Variants in UGT1A7 observed in about 807,000 individuals in gnomAD.
UGT1A7 encodes UDP glucuronosyltransferase family 1 member A7.
UGT1A7 carries 33 observed loss-of-function variants against 45.6 expected under a neutral mutation model. That is an observed-to-expected ratio of 0.72 (90% CI 0.55 to 0.97). UGT1A7 has a LOEUF of 0.97. Among genes scored for constraint, UGT1A7 ranks in the 50% least tolerant of loss-of-function variants. The pLI is 0.00. For missense variants in UGT1A7, 684 were observed against 666.2 expected (o/e 1.03, Z -0.29); for synonymous variants, 274 against 250.6 (o/e 1.09, Z -0.88).
chr2:233,713,751 G>C, intron 1 of UGT1A7: 1 of 1,613,962 alleles, frequency 6.2e-7, no homozygotes, highest in South Asian at 1.1e-5. Flanking sequence ...CCATGCATCT[G>C]TGTGGCTGTT....
chr2:233,719,110 C>G, intron 1 of UGT1A7: 1 of 1,614,270 alleles, frequency 6.2e-7, no homozygotes, highest in Non-Finnish European at 8.5e-7. Flanking sequence ...CTGGGCTACA[C>G]TCAAGGGTTC....
intron 1 of UGT1A7, chr2:233,739,012 T>A (rs1690960444): frequency 6.6e-6 from 1 of 152,230 alleles, no homozygotes; most frequent in Admixed American, 6.5e-5. Context: ...TCCCAGTGGC[T>A]CCAGCCATGG....
rs767732319 is a variant in UGT1A7, at chr2:233,772,468, T to A, written c.1502T>A (p.Phe501Tyr). ...FLLAVVLTVA[F>Y]ITFKCCAYGY... Reference sequence around the variant, plus strand: ...TTGGCCGTCGTGCTGACAGTGGCCTTCATCACCTTTAAATGTTGTGCTTAT... The same window carrying A: ...TTGGCCGTCGTGCTGACAGTGGCCTACATCACCTTTAAATGTTGTGCTTAT... The change falls in exon 5 of 5, where the codon TTC (phenylalanine) becomes TAC (tyrosine). Residue 501 changes from phenylalanine (F) to tyrosine (Y), a missense_variant. Physicochemically the swap from Phe to Tyr is conservative, Grantham distance 22. Transcript: ENST00000373426. The A allele has an allele frequency of 3.7e-6, 6 of 1,614,162 alleles. No homozygotes were observed. In the South Asian group the frequency reaches 6.6e-5, roughly 18 times the overall value.
At chr2:233,689,462 A>T (rs2074944838) in intron 1 of UGT1A7, among the ~76,000 whole-genome samples, 1 of 152,236 alleles carries the variant, frequency 6.6e-6, no homozygotes, top group Admixed American at 6.5e-5. Flanking sequence ...CATTTTAGGA[A>T]AACAGAAGTT....
At position 233,750,642 on chromosome 2, in the gene UGT1A7, C is replaced by G. The variant is rs1227116452; in HGVS notation, c.856-16392C>G. 2.7e-5 allele frequency: 4 copies of G among 149,396 alleles called. 1 individual carries two copies. The highest frequency in any genetic ancestry group is 1.0e-4 in the African/African-American group (4 of 38,716). 9.3% of individuals were successfully genotyped at this position (149,396 alleles called of 1,614,324 possible). On this transcript the variant is annotated intron_variant, in intron 1 of 4. Transcript: ENST00000373426. ...GGGTCCATGCTCCCCCTGCTGTGTGCAGCCTCAGGACTTGGTGCCCTGTGT... is the reference window on the plus strand; with the variant it reads ...GGGTCCATGCTCCCCCTGCTGTGTGGAGCCTCAGGACTTGGTGCCCTGTGT...
Position 233,728,224 on chromosome 2 carries a change from T to A in UGT1A7, c.856-38810T>A, listed in dbSNP as rs556375037. Among the ~76,000 whole-genome samples, 261 of 152,314 alleles carry A rather than the reference T, an allele frequency of 1.7e-3. 4 individuals are homozygous for A. The highest frequency in any genetic ancestry group is 5.7e-4 in the Non-Finnish European group (39 of 68,034). On this transcript the variant is annotated intron_variant, in intron 1 of 4. Coordinates refer to ENST00000373426, the MANE Select transcript of UGT1A7 (RefSeq NM_019077.3). ...GACTTGGAGAAGAGCCTGACCATAA[T>A]CTTCAGGATGAAATAAAGGCCTGGA...
intron 1 of UGT1A7, chr2:233,713,124 C>A (rs746932812): frequency 6.2e-7 from 1 of 1,614,184 alleles, no homozygotes; most frequent in South Asian, 1.1e-5. Flanking sequence ...GCTCAGCATG[C>A]GGGAGGCCTT....
At chr2:233,748,787 G>A (rs988744506) in intron 1 of UGT1A7, among the ~76,000 whole-genome samples, 5 of 151,380 alleles carry the variant, frequency 3.3e-5, no homozygotes, top group Admixed American at 2.6e-4. Flanking sequence ...CTTCTACTTG[G>A]AATGCTGAAA....
In UGT1A7 at chr2:233,769,368, G is replaced by T. The variant is rs1276563226; in HGVS notation, c.1295+929G>T. ...TGGGAAGAAGTGGTGGCCAGTGGTA[G>T]ATTTCATCCGACAATAGATACTGTG... On this transcript the variant is annotated intron_variant, in intron 4 of 4. Coordinates refer to ENST00000373426, the MANE Select transcript of UGT1A7 (RefSeq NM_019077.3). This position sits in a 1 kb window ranked among gnomAD's most constrained non-coding sequence, Gnocchi z 4.4. Among the ~76,000 whole-genome samples the T allele has an allele frequency of 6.6e-6, 1 of 152,222 alleles. No homozygotes were observed. The highest frequency in any genetic ancestry group is 1.5e-5 in the Non-Finnish European group (1 of 68,036).
Position 233,772,667 on chromosome 2 carries a change from T to C in UGT1A7, c.*108T>C. On this transcript the variant is annotated 3_prime_UTR_variant, in exon 5 of 5. Transcript: ENST00000373426. Reference sequence around the variant, plus strand: ...TTTTATTCTTATTAAGGAAATACTTTGCATAAATTAATCAGCCCCAGAGTG... The same window carrying C: ...TTTTATTCTTATTAAGGAAATACTTCGCATAAATTAATCAGCCCCAGAGTG... The C allele has an allele frequency of 2.0e-6, 3 of 1,538,078 alleles. No individual in the cohort carries two copies. Among genetic ancestry groups the C allele is most frequent in the Admixed American group, 4.0e-5 (2 of 50,106 alleles).
chr2:233,695,908 T>C (rs2075313628), intron 1 of UGT1A7, among the ~76,000 whole-genome samples: 1 of 152,182 alleles, frequency 6.6e-6, no homozygotes, highest in Admixed American at 6.5e-5. Flanking sequence ...TGGGGTTTTT[T>C]TTCTCCACAC....
chr2:233,707,649 C>A (rs1214611953), intron 1 of UGT1A7, among the ~76,000 whole-genome samples: 1 of 151,494 alleles, frequency 6.6e-6, no homozygotes, highest in African/African-American at 2.4e-5. Context: ...TATGAATACA[C>A]CACAATTTTA....
chr2:233,772,992 CT>C lies in UGT1A7; in HGVS notation c.*434del. The C allele has an allele frequency of 1.2e-5, 3 of 257,330 alleles. No individual in the cohort carries two copies. Among genetic ancestry groups the C allele is most frequent in the South Asian group, 5.0e-5 (1 of 19,850 alleles). The allele number at this position is 257,330 out of a possible 1,614,324, so 15.9% of individuals were successfully genotyped here. Reference sequence around the variant, plus strand: ...TTAACCAATAATGGTCAGTCCTCATCTCTGTCGTGCTTCATAGGTGCCACCT... The same window carrying C: ...TTAACCAATAATGGTCAGTCCTCATCCTGTCGTGCTTCATAGGTGCCACCT... On this transcript the variant is annotated 3_prime_UTR_variant, in exon 5 of 5. Transcript: ENST00000373426.
intron 1 of UGT1A7, among the ~76,000 whole-genome samples, chr2:233,752,736 C>A (rs1332947715): frequency 1.3e-5 from 2 of 152,164 alleles, no homozygotes; most frequent in African/African-American, 4.8e-5. Flanking sequence ...CAGAGAGAGA[C>A]CCTGTCTCTA....
intron 1 of UGT1A7, among the ~76,000 whole-genome samples, chr2:233,765,395 G>A (rs1009787089): frequency 6.6e-6 from 1 of 152,142 alleles, no homozygotes; most frequent in Non-Finnish European, 1.5e-5. Context: ...AGAAAATGTG[G>A]TACATATACA....
rs1178293466 is a variant in UGT1A7 at position 233,747,267 on chromosome 2, C to A, written c.856-19767C>A. On this transcript the variant is annotated intron_variant, in intron 1 of 4. Coordinates refer to ENST00000373426, the MANE Select transcript of UGT1A7 (RefSeq NM_019077.3). Reference sequence around the variant, plus strand: ...TGTGGCTGGCCACAGGAGTGCTACTCCTTCTCAGTGCCCAGCCCTGGGCTG... The same window carrying A: ...TGTGGCTGGCCACAGGAGTGCTACTACTTCTCAGTGCCCAGCCCTGGGCTG... 4 of 1,599,414 alleles carry A rather than the reference C, an allele frequency of 2.5e-6. No individual in the cohort carries two copies. In the South Asian group the frequency reaches 3.4e-5, roughly 13 times the overall value.
intron 1 of UGT1A7, among the ~76,000 whole-genome samples, chr2:233,736,155 C>T (rs1455121257): frequency 4.6e-5 from 7 of 152,206 alleles, no homozygotes; most frequent in Admixed American, 6.5e-5. Context: ...ACCAGTCAAA[C>T]GTAGATTTGG....
intron 1 of UGT1A7, among the ~76,000 whole-genome samples, chr2:233,703,576 T>C (rs1010311982): frequency 2.0e-5 from 3 of 152,152 alleles, no homozygotes; most frequent in East Asian, 3.9e-4. Context: ...TTTTAAGGTC[T>C]ATATTATCTT....
intron 1 of UGT1A7, among the ~76,000 whole-genome samples, chr2:233,703,376 G>A (rs1195838939): frequency 2.0e-5 from 3 of 151,480 alleles, no homozygotes; most frequent in African/African-American, 4.9e-5. Context: ...TATCAATTTT[G>A]TCTATATTTT....
Sources: allele counts gnomAD v4.1 joint callset (sites outside exome capture counted in the v4.1 genomes callset), GRCh38; gene constraint gnomAD v4.1.1; non-coding constraint Gnocchi (gnomAD v3.1); transcripts MANE v1.5; gene names NCBI Gene and HGNC (gene_info 2026-07-23, HGNC 2026-07-21).